The following CD226 variants were observed in gnomAD, a reference collection of about 807,000 sequenced individuals.
CD226 encodes CD226 antigen.
In CD226, 24 loss-of-function variants were observed where a neutral mutation model predicts 34.9. That is an observed-to-expected ratio of 0.69 (90% CI 0.50 to 0.97). The LOEUF (loss-of-function observed/expected upper bound fraction) is 0.97. CD226 is among the 50% of genes least tolerant of loss of function. The pLI is 0.00. For synonymous variants in CD226, 148 were observed against 147.4 expected, an observed-to-expected ratio of 1.00 and a Z score of -0.03; for missense variants, 397 against 412.7, an observed-to-expected ratio of 0.96 and a Z score of 0.33.
intron 2 of CD226, among the ~76,000 whole-genome samples, chr18:69,916,509 C>T (rs893167374): frequency 2.6e-5 from 4 of 152,174 alleles, no homozygotes; most frequent in Non-Finnish European, 5.9e-5. Flanking sequence ...TGACTCAAAA[C>T]ATTTATCATC....
At chr18:69,891,766 G>C (rs940000884) in intron 3 of CD226, among the ~76,000 whole-genome samples, 1 of 152,126 alleles carries the variant, frequency 6.6e-6, no homozygotes, top group African/African-American at 2.4e-5. Context: ...AAGTATTTAA[G>C]AATAAACTTA....
At chr18:69,935,241 A>C (rs2055638090) in intron 2 of CD226, among the ~76,000 whole-genome samples, 1 of 152,208 alleles carries the variant, frequency 6.6e-6, no homozygotes, top group Non-Finnish European at 1.5e-5. Flanking sequence ...TGCAATTTAT[A>C]ATGTTACTTT....
intron 1 of CD226, among the ~76,000 whole-genome samples, chr18:69,956,282 G>A (rs1354938768): frequency 2.6e-5 from 4 of 152,194 alleles, no homozygotes; most frequent in African/African-American, 9.7e-5. Context: ...ACACCACACG[G>A]CCCACAAAGC....
chr18:69,881,731 G>A (rs1224670724), intron 3 of CD226, among the ~76,000 whole-genome samples: 1 of 152,120 alleles, frequency 6.6e-6, no homozygotes, highest in African/African-American at 2.4e-5. Context: ...GCTTGCTCCT[G>A]CAGCTAGACT....
In CD226 at chr18:69,860,309, C is replaced by G. The variant is rs965034868; in HGVS notation, c.*4005G>C. 3 of 152,144 alleles carry G rather than the reference C, an allele frequency of 2.0e-5. No homozygotes were observed. The highest frequency in any genetic ancestry group is 4.4e-5 in the Non-Finnish European group (3 of 68,016). 9.4% of individuals were successfully genotyped at this position (152,144 alleles called of 1,614,324 possible). On this transcript the variant is annotated 3_prime_UTR_variant, in exon 6 of 6. Transcript: ENST00000582621. ...AAATATTTCTATACCCTACAAGAAC[C>G]AAAAATCCAAAAGTACACACTAACA...
chr18:69,894,241 C>T (rs1007585138), intron 3 of CD226, among the ~76,000 whole-genome samples: 1 of 147,956 alleles, frequency 6.8e-6, no homozygotes, highest in Non-Finnish European at 1.5e-5. Context: ...ATCACTTTTT[C>T]TCACAATCAT....
At chr18:69,898,601 G>C (rs1403519210) in intron 2 of CD226, among the ~76,000 whole-genome samples, 3 of 152,174 alleles carry the variant, frequency 2.0e-5, no homozygotes, top group Non-Finnish European at 4.4e-5. Flanking sequence ...ACTCAGCCTG[G>C]AGGTGAAAGA....
At chr18:69,923,132 A>G (rs2055472890) in intron 2 of CD226, among the ~76,000 whole-genome samples, 1 of 151,998 alleles carries the variant, frequency 6.6e-6, no homozygotes, top group Non-Finnish European at 1.5e-5. Context: ...CTCTGTCTCA[A>G]AAAAGTCAAA....
intron 2 of CD226, among the ~76,000 whole-genome samples, chr18:69,899,274 C>T (rs1985473852): frequency 6.6e-6 from 1 of 152,198 alleles, no homozygotes; most frequent in South Asian, 2.1e-4. Context: ...CTGTCCTCCT[C>T]ACCATCCTCA....
upstream of CD226, among the ~76,000 whole-genome samples, chr18:69,949,886 ACTCT>A (rs2055834417): frequency 6.6e-6 from 1 of 151,422 alleles, no homozygotes; most frequent in South Asian, 2.1e-4. Context: ...ACACTGTCTC[ACTCT>A]ATCTCAATCA....
chr18:69,940,713 T>TA (rs1448058857), intron 2 of CD226, among the ~76,000 whole-genome samples: 1 of 152,108 alleles, frequency 6.6e-6, no homozygotes, highest in Non-Finnish European at 1.5e-5. Context: ...AAGCAGAGCA[T>TA]AAAAAATTTG....
rs1242216014 is a variant in CD226 at position 69,945,373 on chromosome 18, T to G, written c.382+1361A>C. ...CTAACACCAGGTTGATGGAAAGTGATGACTATAAACCCAAGTGTTTCCAAT... is the reference window on the plus strand; with the variant it reads ...CTAACACCAGGTTGATGGAAAGTGAGGACTATAAACCCAAGTGTTTCCAAT... On this transcript the variant is annotated intron_variant, in intron 2 of 5. Coordinates refer to ENST00000582621, the MANE Select transcript of CD226 (RefSeq NM_001303618.2). Among the ~76,000 whole-genome samples the G allele has an allele frequency of 1.3e-5, 2 of 152,220 alleles. 1 individual carries two copies. Among genetic ancestry groups the G allele is most frequent in the South Asian group, 4.1e-4 (2 of 4,830 alleles).
At chr18:69,867,084 A>G (rs927052285) in intron 5 of CD226, among the ~76,000 whole-genome samples, 1 of 152,214 alleles carries the variant, frequency 6.6e-6, no homozygotes, top group African/African-American at 2.4e-5. Context: ...GAAAAGGAAC[A>G]AAGATTTAGG....
intron 2 of CD226, among the ~76,000 whole-genome samples, chr18:69,911,328 G>A (rs17062739): frequency 0.029 from 4,473 of 152,144 alleles, 230 homozygotes; most frequent in African/African-American, 0.1. Context: ...ACTGAACACC[G>A]GCATCCTTTC....
chr18:69,907,739 C>G (rs2055273883), intron 2 of CD226, among the ~76,000 whole-genome samples: 1 of 152,124 alleles, frequency 6.6e-6, no homozygotes, highest in South Asian at 2.1e-4. Flanking sequence ...GGTACAAAAC[C>G]TCAGTCAGAC....
intron 3 of CD226, among the ~76,000 whole-genome samples, chr18:69,890,114 T>C (rs570048072): frequency 3.3e-5 from 5 of 152,242 alleles, no homozygotes; most frequent in Non-Finnish European, 7.4e-5. Context: ...AAAAAAAATC[T>C]GGAAAGAAAA....
At chr18:69,916,645 G>A (rs918857390) in intron 2 of CD226, among the ~76,000 whole-genome samples, 21 of 152,124 alleles carry the variant, frequency 1.4e-4, no homozygotes, top group African/African-American at 4.6e-4. Context: ...AGAAATCTGA[G>A]CTTTATCTTT....
chr18:69,867,277 A>G (rs1406367900), intron 5 of CD226, 80 bp downstream of exon 5: 3 of 878,646 alleles, frequency 3.4e-6, no homozygotes, highest in African/African-American at 3.3e-5. Flanking sequence ...AATAAAATAT[A>G]AGATTGCTAA....
At chr18:69,901,066 C>T (rs1355432401) in intron 2 of CD226, among the ~76,000 whole-genome samples, 1 of 152,080 alleles carries the variant, frequency 6.6e-6, no homozygotes, top group Non-Finnish European at 1.5e-5. Context: ...AATCTAACCA[C>T]CAACTTACAG....
Sources: allele counts gnomAD v4.1 joint callset (sites outside exome capture counted in the v4.1 genomes callset), GRCh38; gene constraint gnomAD v4.1.1; transcripts MANE v1.5; gene names NCBI Gene and HGNC (gene_info 2026-07-23, HGNC 2026-07-21).